Variants in FSTL5 observed in about 807,000 individuals in gnomAD.
The protein encoded by FSTL5 is follistatin like 5.
FSTL5 carries 62 observed loss-of-function variants against 89.1 expected under a neutral mutation model. The observed-to-expected ratio is 0.70, with a 90% CI of 0.57 to 0.86. The LOEUF is 0.86. FSTL5 is among the 40% of genes least tolerant of loss of function. The pLI is 0.00. For synonymous variants in FSTL5, 383 were observed against 346.2 expected (o/e 1.11, Z -1.18); for missense variants, 1,057 against 1,001.6 (o/e 1.06, Z -0.75).
At chr4:161,662,664 A>G (rs1364009777) in intron 6 of FSTL5, among the ~76,000 whole-genome samples, 1 of 152,164 alleles carries the variant, frequency 6.6e-6, no homozygotes, top group Non-Finnish European at 1.5e-5. Flanking sequence ...GAGAAAACAG[A>G]AAAAAATGGA....
chr4:161,589,659 T>C (rs1395101438), intron 7 of FSTL5, among the ~76,000 whole-genome samples: 1 of 152,016 alleles, frequency 6.6e-6, no homozygotes, highest in African/African-American at 2.4e-5. Flanking sequence ...AGCAGTTGTT[T>C]CGCATTACAA....
intron 13 of FSTL5, among the ~76,000 whole-genome samples, chr4:161,467,340 T>G (rs1733781002): frequency 6.6e-6 from 1 of 152,154 alleles, no homozygotes. Flanking sequence ...AGTAAGGAAG[T>G]AAAACATCAT....
Position 161,725,158 on chromosome 4 carries a change from T to G in FSTL5, c.727+34253A>C, listed in dbSNP as rs568755592. 5.9e-5 allele frequency among the ~76,000 whole-genome samples: 9 copies of G among 152,210 alleles called. No homozygotes were observed. The East Asian group carries it at 1.7e-3, about 29-fold the overall frequency. ...TTGCAGTGAGCCCAGATCACACCAC[T>G]GCACTCCAGCCTGTCCGTCTCAAAA... On this transcript the variant is annotated intron_variant, in intron 6 of 15. Transcript: ENST00000306100.
chr4:161,806,424 G>A (rs1729968294), intron 4 of FSTL5, among the ~76,000 whole-genome samples: 2 of 152,064 alleles, frequency 1.3e-5, no homozygotes, highest in Non-Finnish European at 2.9e-5. Flanking sequence ...GGGATTGGAG[G>A]AAAAATGAGA....
intron 3 of FSTL5, among the ~76,000 whole-genome samples, chr4:161,922,107 T>A (rs28419526): frequency 0.18 from 27,585 of 151,900 alleles, 3,037 homozygotes; most frequent in Non-Finnish European, 0.23. Context: ...ATGGCATATT[T>A]TTTAAAAACT....
At chr4:161,625,504 A>C (rs1185377102) in intron 7 of FSTL5, among the ~76,000 whole-genome samples, 2 of 152,088 alleles carry the variant, frequency 1.3e-5, no homozygotes, top group Non-Finnish European at 2.9e-5. Flanking sequence ...GTGTGTTCTT[A>C]ATTGAAAAAT....
At chr4:161,900,649 AAAAAAAAAAG>A (rs1733329297) in intron 4 of FSTL5, among the ~76,000 whole-genome samples, 1 of 132,132 alleles carries the variant, frequency 7.6e-6, no homozygotes, top group East Asian at 2.2e-4. Context: ...AAAAAAAAAA[AAAAAAAAAAG>A]AAAGAAAGAA....
chr4:161,617,964 G>T (rs1734958189), intron 7 of FSTL5, among the ~76,000 whole-genome samples: 1 of 152,156 alleles, frequency 6.6e-6, no homozygotes, highest in Non-Finnish European at 1.5e-5. Flanking sequence ...AGCATGGAAT[G>T]TTCTTCCATT....
At chr4:161,998,450 A>G (rs1258069085) in intron 3 of FSTL5, among the ~76,000 whole-genome samples, 3 of 152,032 alleles carry the variant, frequency 2.0e-5, no homozygotes, top group Admixed American at 6.5e-5. Flanking sequence ...ACATTGACCA[A>G]TCTTCCCCTT....
intron 11 of FSTL5, among the ~76,000 whole-genome samples, chr4:161,508,929 T>C (rs1035357194): frequency 6.6e-6 from 1 of 152,336 alleles, no homozygotes; most frequent in African/African-American, 2.4e-5. Context: ...ACTTGTTAAG[T>C]GTTATTCCTT....
At chr4:161,470,589 T>C (rs1733901754) in intron 13 of FSTL5, among the ~76,000 whole-genome samples, 1 of 151,648 alleles carries the variant, frequency 6.6e-6, no homozygotes, top group Non-Finnish European at 1.5e-5. Context: ...TAAGATTCCA[T>C]ATGAATTTTA....
chr4:161,440,275 T>C (rs1177307232), intron 15 of FSTL5, among the ~76,000 whole-genome samples: 2 of 152,124 alleles, frequency 1.3e-5, no homozygotes, highest in Non-Finnish European at 2.9e-5. Flanking sequence ...CAATATCACA[T>C]ATCTGGACTT....
intron 2 of FSTL5, among the ~76,000 whole-genome samples, chr4:162,084,845 C>T (rs1252628734): frequency 1.3e-5 from 2 of 152,002 alleles, no homozygotes; most frequent in Non-Finnish European, 2.9e-5. Context: ...ATGGGTGCAG[C>T]AAACCACCAT....
chr4:161,435,389 A>C (rs1732523651), intron 15 of FSTL5, among the ~76,000 whole-genome samples: 1 of 152,084 alleles, frequency 6.6e-6, no homozygotes, highest in Non-Finnish European at 1.5e-5. Context: ...AAACTAATGG[A>C]GATAGAGACT....
At chr4:161,618,828 G>A (rs1042872612) in intron 7 of FSTL5, among the ~76,000 whole-genome samples, 10 of 152,050 alleles carry the variant, frequency 6.6e-5, no homozygotes, top group Non-Finnish European at 1.2e-4. Context: ...TCACAGAATT[G>A]GAAAAAACTA....
intron 15 of FSTL5, chr4:161,388,496 A>G (rs926036123): frequency 2.0e-5 from 3 of 152,104 alleles, no homozygotes; most frequent in Non-Finnish European, 2.9e-5. Flanking sequence ...CATAAACATC[A>G]TAAGTACCAC....
chr4:161,881,784 C>T (rs1732643927), intron 4 of FSTL5, among the ~76,000 whole-genome samples: 1 of 152,098 alleles, frequency 6.6e-6, no homozygotes, highest in Non-Finnish European at 1.5e-5. Context: ...ATTCCAGTCT[C>T]AAGAGGAGTT....
chr4:162,018,185 G>A (rs1736971587), intron 3 of FSTL5, among the ~76,000 whole-genome samples: 1 of 152,156 alleles, frequency 6.6e-6, no homozygotes, highest in South Asian at 2.1e-4. Context: ...GTAAATGGTA[G>A]AAAGGGCATG....
At chr4:161,393,080 CTTG>C (rs1730875745) in intron 15 of FSTL5, among the ~76,000 whole-genome samples, 1 of 151,998 alleles carries the variant, frequency 6.6e-6, no homozygotes, top group Non-Finnish European at 1.5e-5. Flanking sequence ...GGGAGAATCA[CTTG>C]AACCCGGGAG....
Sources: gnomAD v4.1 joint callset for allele counts (sites outside exome capture counted in the v4.1 genomes callset) on GRCh38, gnomAD v4.1.1 for gene constraint, MANE v1.5 for transcripts, NCBI Gene and HGNC (gene_info 2026-07-23, HGNC 2026-07-21) for gene names.